The following VAV2 variants were observed in gnomAD, a reference collection of about 807,000 sequenced individuals.
VAV2 encodes guanine nucleotide exchange factor VAV2.
A neutral mutation model predicts 132.5 loss-of-function variants in VAV2; 67 were observed. The observed-to-expected ratio is 0.51, with a 90% CI of 0.42 to 0.62. The LOEUF is 0.62. Ranked by LOEUF, VAV2 falls within the 20% of genes least tolerant of loss-of-function variation. The pLI is 0.00. For synonymous variants in VAV2, 492 were observed against 443.5 expected (o/e 1.11, Z -1.37); for missense variants, 938 against 1,153.6 (o/e 0.81, Z 2.71).
At chr9:133,971,877 T>C (rs1001647346) in intron 1 of VAV2, among the ~76,000 whole-genome samples, 1 of 152,046 alleles carries the variant, frequency 6.6e-6, no homozygotes, top group Non-Finnish European at 1.5e-5. Context: ...TGCACAGACC[T>C]CTGCAGGCAA....
intron 2 of VAV2, among the ~76,000 whole-genome samples, chr9:133,920,224 A>G (rs542222739): frequency 6.6e-6 from 1 of 152,228 alleles, no homozygotes; most frequent in Non-Finnish European, 1.5e-5. Context: ...GATGGAGGCC[A>G]AGGGCCAGGA....
At position 133,879,729 on chromosome 9, in the gene VAV2, C is replaced by T. The variant is rs533926374; in HGVS notation, c.322-18297G>A. Among the ~76,000 whole-genome samples the T allele has an allele frequency of 7.2e-5, 11 of 152,182 alleles. No individual in the cohort carries two copies. The highest frequency in any genetic ancestry group is 1.2e-4 in the Non-Finnish European group (8 of 68,018). Reference sequence around the variant, plus strand: ...CCAAAGCAGAACCTATCCGAGAATCCCTACCGCCTTGCGAGCTGCAAGTCC... The same window carrying T: ...CCAAAGCAGAACCTATCCGAGAATCTCTACCGCCTTGCGAGCTGCAAGTCC... On this transcript the variant is annotated intron_variant, in intron 2 of 29. Coordinates refer to ENST00000371850, the MANE Select transcript of VAV2 (RefSeq NM_001134398.2). This position sits in a 1 kb window ranked among gnomAD's most constrained non-coding sequence, Gnocchi z 4.4.
At chr9:133,990,052 G>A (rs1260988154) in intron 1 of VAV2, among the ~76,000 whole-genome samples, 1 of 152,224 alleles carries the variant, frequency 6.6e-6, no homozygotes, top group African/African-American at 2.4e-5. Context: ...GCTACGAGGG[G>A]ACTGCTATGA....
Position 133,992,195 on chromosome 9 carries a change from G to T in VAV2, c.84C>A (p.Ala28=). Residue 28 remains alanine (A), a synonymous_variant, in exon 1 of 30, where the codon GCC becomes GCA. Transcript: ENST00000371850. This position sits in a 1 kb window ranked among gnomAD's most constrained non-coding sequence, Gnocchi z 5.5. ...PPNHRVVWPS[A]VVFDLAQALR... The stretch of plus-strand genomic sequence containing the variant: ...GCGCCTGCGCCAGGTCGAAGACCAC[G>T]GCCGAGGGCCACACCACCCGGTGGT... 1 of 1,597,940 alleles carries T rather than the reference G, an allele frequency of 6.3e-7. No homozygotes were observed. Among genetic ancestry groups the T allele is most frequent in the East Asian group, 2.3e-5 (1 of 43,828 alleles).
rs375644016 is a variant in VAV2 at position 133,840,352 on chromosome 9, G to C, written c.381-6012C>G. The stretch of plus-strand genomic sequence containing the variant: ...AGAAATCCCCAGCAGAGCCCGCGTT[G>C]GGCAGCAGCCCCTCCTCCCAAACGA... On this transcript the variant is annotated intron_variant, in intron 3 of 29. Coordinates refer to ENST00000371850, the MANE Select transcript of VAV2 (RefSeq NM_001134398.2). The surrounding 1 kb of genome is among the most constrained non-coding windows in gnomAD (Gnocchi z 4.5). Among the ~76,000 whole-genome samples, 4 of 152,024 alleles carry C rather than the reference G, an allele frequency of 2.6e-5. No homozygotes were observed. Among genetic ancestry groups the C allele is most frequent in the East Asian group, 1.9e-4 (1 of 5,162 alleles).
At chr9:133,943,971 G>A (rs558308531) in intron 1 of VAV2, among the ~76,000 whole-genome samples, 30 of 152,224 alleles carry the variant, frequency 2.0e-4, no homozygotes, top group Non-Finnish European at 4.0e-4. Context: ...GCGCCAGGGC[G>A]GGGTGTCACA....
chr9:133,984,873 A>G (rs1842802079), intron 1 of VAV2, among the ~76,000 whole-genome samples: 1 of 151,316 alleles, frequency 6.6e-6, no homozygotes, highest in Non-Finnish European at 1.5e-5. Context: ...GTGCCACTGC[A>G]TTCCAGCCTG....
At chr9:133,841,983 C>T (rs1836743668) in intron 3 of VAV2, among the ~76,000 whole-genome samples, 1 of 152,200 alleles carries the variant, frequency 6.6e-6, no homozygotes. Context: ...ATGGTCCACC[C>T]GGCCCTGCCA....
intron 1 of VAV2, among the ~76,000 whole-genome samples, chr9:133,962,496 G>A (rs1468485447): frequency 6.6e-6 from 1 of 152,082 alleles, no homozygotes; most frequent in Non-Finnish European, 1.5e-5. Flanking sequence ...GTCTTGAGGG[G>A]CTGCTCATCC....
At chr9:133,985,644 G>A (rs1203846838) in intron 1 of VAV2, among the ~76,000 whole-genome samples, 3 of 152,156 alleles carry the variant, frequency 2.0e-5, no homozygotes, top group African/African-American at 7.2e-5. Context: ...TGGACAAACA[G>A]CTGGTTCTTA....
At position 133,912,031 on chromosome 9, in the gene VAV2, A is replaced by T. The variant is rs541832428; in HGVS notation, c.321+27072T>A. The stretch of plus-strand genomic sequence containing the variant: ...GCTGGATTGCTGCACAGAGCATCCC[A>T]TCACCTAGGTATTAGGCCTGGCATC... On this transcript the variant is annotated intron_variant, in intron 2 of 29. Coordinates refer to ENST00000371850, the MANE Select transcript of VAV2 (RefSeq NM_001134398.2). This position sits in a 1 kb window ranked among gnomAD's most constrained non-coding sequence, Gnocchi z 4.3. 6.6e-6 allele frequency among the ~76,000 whole-genome samples: 1 copy of T among 152,298 alleles called. No individual in the cohort carries two copies. Among genetic ancestry groups the T allele is most frequent in the African/African-American group, 2.4e-5 (1 of 41,556 alleles).
rs1840575287 is a variant in VAV2 at position 133,928,870 on chromosome 9, A to C, written c.321+10233T>G. Among the ~76,000 whole-genome samples the C allele has an allele frequency of 6.6e-6, 1 of 152,144 alleles. No homozygotes were observed. The highest frequency in any genetic ancestry group is 2.4e-5 in the African/African-American group (1 of 41,430). On this transcript the variant is annotated intron_variant, in intron 2 of 29. Transcript: ENST00000371850. This position sits in a 1 kb window ranked among gnomAD's most constrained non-coding sequence, Gnocchi z 5.4. ...TGGGGCAGGATACACTGGCCGGGTG[A>C]GGCTGGCACTCCAGGCCACTGGAAT...
intron 2 of VAV2, among the ~76,000 whole-genome samples, chr9:133,910,224 G>C (rs1839829342): frequency 6.6e-6 from 1 of 152,174 alleles, no homozygotes; most frequent in African/African-American, 2.4e-5. Context: ...GGGTGCACCT[G>C]GGTCCCTGAG....
intron 2 of VAV2, among the ~76,000 whole-genome samples, chr9:133,915,668 GCA>G (rs199923012): frequency 1.0e-4 from 15 of 147,832 alleles, no homozygotes; most frequent in South Asian, 8.7e-4. Context: ...ACGCACACAT[GCA>G]CACACACACA....
intron 16 of VAV2, 88 bp downstream of exon 16, chr9:133,787,158 C>T: frequency 5.7e-6 from 8 of 1,408,966 alleles, no homozygotes; most frequent in Non-Finnish European, 7.5e-6. Flanking sequence ...CCCCTCAGGC[C>T]CCTGGGTCCC....
At position 133,764,206 on chromosome 9, in the gene VAV2, G is replaced by A. The variant is rs1833359559; in HGVS notation, c.2590-97C>T. On this transcript the variant is annotated intron_variant, in intron 29 of 29. Coordinates refer to ENST00000371850, the MANE Select transcript of VAV2 (RefSeq NM_001134398.2). ...GGGGTGAGGGCAAGTAGAGGCTCAT[G>A]AAGATGGGGGGCCCTTCGGAAGTCC... is the stretch of plus-strand genomic sequence containing the variant. 2.7e-6 allele frequency: 4 copies of A among 1,492,956 alleles called. No individual in the cohort carries two copies. In the African/African-American group the frequency reaches 4.1e-5, roughly 15 times the overall value. The allele number at this position is 1,492,956 out of a possible 1,614,324, so 92.5% of individuals were successfully genotyped here.
intron 4 of VAV2, among the ~76,000 whole-genome samples, chr9:133,825,287 T>A (rs1009000566): frequency 2.0e-5 from 3 of 151,890 alleles, no homozygotes; most frequent in Non-Finnish European, 2.9e-5. Context: ...CTCCCCTCCA[T>A]CCCCACACGA....
chr9:133,812,135 C>T lies in VAV2; in HGVS notation c.531G>A (p.Lys177=). The part of the protein sequence containing the change: ...GGDDIYEDII[K]VEVQQPMIRY... ...TCACCATGGGCTGCTGCACCTCCAC[C>T]TTGATGATGTCCTCGTAGATGTCGT... Residue 177 remains lysine (K), a synonymous_variant, in exon 5 of 30, where the codon AAG becomes AAA. Coordinates refer to ENST00000371850, the MANE Select transcript of VAV2 (RefSeq NM_001134398.2). 3 of 1,613,994 alleles carry T rather than the reference C, an allele frequency of 1.9e-6. No homozygotes were observed. Among genetic ancestry groups the T allele is most frequent in the Non-Finnish European group, 2.5e-6 (3 of 1,180,012 alleles).
intron 1 of VAV2, among the ~76,000 whole-genome samples, chr9:133,972,910 A>G (rs1158895379): frequency 6.6e-6 from 1 of 152,172 alleles, no homozygotes; most frequent in Non-Finnish European, 1.5e-5. Flanking sequence ...GGCTACTCCC[A>G]TGATGAGGGG....
Sources: gnomAD v4.1 joint callset for allele counts (sites outside exome capture counted in the v4.1 genomes callset) on GRCh38, gnomAD v4.1.1 for gene constraint, Gnocchi (gnomAD v3.1) non-coding constraint, MANE v1.5 for transcripts, NCBI Gene and HGNC (gene_info 2026-07-23, HGNC 2026-07-21) for gene names.